The following COMMD10 variants were observed in gnomAD, a reference collection of about 807,000 sequenced individuals.
The protein encoded by COMMD10 is COMM domain-containing protein 10.
A neutral mutation model predicts 28.9 loss-of-function variants in COMMD10; 33 were observed. The observed-to-expected ratio is 1.14, with a 90% CI of 0.87 to 1.53. The LOEUF (loss-of-function observed/expected upper bound fraction) is 1.53. Ranked by LOEUF, COMMD10 falls within the 40% of genes most tolerant of loss-of-function variation. COMMD10 has a pLI of 0.00. For missense variants in COMMD10, 310 were observed against 233.4 expected (o/e 1.33, Z -2.14); for synonymous variants, 110 against 81.7 (o/e 1.35, Z -1.87).
intron 5 of COMMD10, among the ~76,000 whole-genome samples, chr5:116,269,938 C>T (rs1161635294): frequency 6.6e-6 from 1 of 151,790 alleles, no homozygotes; most frequent in Non-Finnish European, 1.5e-5. Context: ...GTTAATTTCA[C>T]CTCTGTCACA....
At chr5:116,253,897 G>A (rs528516021) in intron 5 of COMMD10, among the ~76,000 whole-genome samples, 7 of 151,288 alleles carry the variant, frequency 4.6e-5, no homozygotes, top group East Asian at 1.9e-4. Context: ...TGTACCTCTG[G>A]TAGAATTCGG....
chr5:116,209,035 G>A (rs1359637879), intron 5 of COMMD10, among the ~76,000 whole-genome samples: 2 of 151,914 alleles, frequency 1.3e-5, no homozygotes, highest in Admixed American at 1.3e-4. Flanking sequence ...TGTTCTTGGT[G>A]TACTAATCTG....
At chr5:116,120,066 G>A (rs753896785) in intron 4 of COMMD10, among the ~76,000 whole-genome samples, 6 of 151,958 alleles carry the variant, frequency 3.9e-5, no homozygotes, top group African/African-American at 9.7e-5. Context: ...TGTTTATAGC[G>A]GCACAATTTG....
At chr5:116,227,940 A>C (rs1358421749) in intron 5 of COMMD10, among the ~76,000 whole-genome samples, 1 of 152,054 alleles carries the variant, frequency 6.6e-6, no homozygotes, top group Non-Finnish European at 1.5e-5. Flanking sequence ...TAGCCAAACT[A>C]GGTCATGTTA....
At chr5:116,292,189 C>CTG (rs1293133492) in intron 6 of COMMD10, among the ~76,000 whole-genome samples, 1 of 151,864 alleles carries the variant, frequency 6.6e-6, no homozygotes, top group Non-Finnish European at 1.5e-5. Flanking sequence ...AAGGAAACAG[C>CTG]TGAAGACACT....
At chr5:116,213,465 C>T (rs569340809) in intron 5 of COMMD10, among the ~76,000 whole-genome samples, 1 of 152,140 alleles carries the variant, frequency 6.6e-6, no homozygotes, top group Non-Finnish European at 1.5e-5. Context: ...AGATTCTTAA[C>T]CTGTATAGGG....
intron 5 of COMMD10, among the ~76,000 whole-genome samples, chr5:116,163,228 G>A (rs1348277076): frequency 6.6e-6 from 1 of 151,118 alleles, no homozygotes; most frequent in African/African-American, 2.5e-5. Flanking sequence ...ATTTTTAAAA[G>A]CATCTTTGTA....
At chr5:116,256,014 G>C (rs527451822) in intron 5 of COMMD10, among the ~76,000 whole-genome samples, 17 of 151,454 alleles carry the variant, frequency 1.1e-4, no homozygotes, top group African/African-American at 3.9e-4. Flanking sequence ...AGCTATTTTC[G>C]TATTCAATCT....
intron 4 of COMMD10, among the ~76,000 whole-genome samples, chr5:116,120,272 C>T (rs192620084): frequency 1.9e-4 from 29 of 152,208 alleles, no homozygotes; most frequent in East Asian, 1.2e-3. Flanking sequence ...AAATATCTTA[C>T]GTTCTCCCTT....
At chr5:116,275,598 G>A (rs1445663374) in intron 5 of COMMD10, among the ~76,000 whole-genome samples, 1 of 151,726 alleles carries the variant, frequency 6.6e-6, no homozygotes, top group Non-Finnish European at 1.5e-5. Context: ...CTAGCGTGTT[G>A]CTCGTAAATC....
At chr5:116,170,184 T>G (rs1331963119) in intron 5 of COMMD10, among the ~76,000 whole-genome samples, 1 of 152,154 alleles carries the variant, frequency 6.6e-6, no homozygotes, top group African/African-American at 2.4e-5. Context: ...AGCATTCCTA[T>G]ACACCAATAA....
At chr5:116,282,272 C>G (rs562822076) in intron 5 of COMMD10, among the ~76,000 whole-genome samples, 4 of 151,916 alleles carry the variant, frequency 2.6e-5, no homozygotes, top group African/African-American at 9.7e-5. Flanking sequence ...TAAACATTAC[C>G]TCAGAATTTT....
chr5:116,162,791 T>C (rs62385219), intron 5 of COMMD10, among the ~76,000 whole-genome samples: 11,716 of 152,244 alleles, frequency 0.077, 527 homozygotes, highest in Admixed American at 0.13. Flanking sequence ...AATGTCTCCA[T>C]CAGTGTTGGG....
At chr5:116,126,783 T>C (rs1325838684) in intron 4 of COMMD10, among the ~76,000 whole-genome samples, 2 of 151,884 alleles carry the variant, frequency 1.3e-5, no homozygotes, top group East Asian at 1.9e-4. Flanking sequence ...TTCAAGATAG[T>C]TTAAAGACTT....
intron 4 of COMMD10, among the ~76,000 whole-genome samples, chr5:116,122,783 G>T (rs1012366784): frequency 6.6e-6 from 1 of 152,126 alleles, no homozygotes; most frequent in Non-Finnish European, 1.5e-5. Flanking sequence ...CTCTCTGTCT[G>T]TTATTGGCAT....
intron 4 of COMMD10, among the ~76,000 whole-genome samples, chr5:116,115,271 C>G (rs1215744629): frequency 2.0e-5 from 3 of 152,098 alleles, no homozygotes; most frequent in Admixed American, 2.0e-4. Context: ...AATTGATTCT[C>G]CAGTAGGAAA....
chr5:116,215,056 G>A (rs886238451), intron 5 of COMMD10, among the ~76,000 whole-genome samples: 2 of 151,944 alleles, frequency 1.3e-5, no homozygotes, highest in Non-Finnish European at 1.5e-5. Flanking sequence ...TTCCTAAAAA[G>A]TAATCCTTAA....
intron 4 of COMMD10, among the ~76,000 whole-genome samples, chr5:116,108,959 G>T (rs184801423): frequency 6.6e-6 from 1 of 152,206 alleles, no homozygotes; most frequent in African/African-American, 2.4e-5. Flanking sequence ...GGGATCTCCT[G>T]ACCCGTTGTG....
At chr5:116,272,028 C>T (rs557539383) in intron 5 of COMMD10, among the ~76,000 whole-genome samples, 7 of 151,662 alleles carry the variant, frequency 4.6e-5, no homozygotes, top group Admixed American at 3.9e-4. Flanking sequence ...CTGTGAAATA[C>T]GAGGGTACTT....
Sources: gnomAD v4.1 joint callset for allele counts (sites outside exome capture counted in the v4.1 genomes callset) on GRCh38, gnomAD v4.1.1 for gene constraint, MANE v1.5 for transcripts, NCBI Gene and HGNC (gene_info 2026-07-23, HGNC 2026-07-21) for gene names.